SCAI: variants seen among roughly 807,000 people sequenced by gnomAD.
SCAI encodes suppressor of cancer cell invasion.
In SCAI, 24 loss-of-function variants were observed where a neutral mutation model predicts 92.2. That is an observed-to-expected ratio of 0.26 (90% CI 0.19 to 0.37). The LOEUF (loss-of-function observed/expected upper bound fraction) is 0.37. Ranked by LOEUF, SCAI falls within the 10% of genes least tolerant of loss-of-function variation. The probability of loss-of-function intolerance (pLI) is 1.00; values close to 1 mark genes in which losing one functional copy is unlikely to be tolerated. For synonymous variants in SCAI, 261 were observed against 258.6 expected (o/e 1.01, Z -0.09); for missense variants, 450 against 736.2 (o/e 0.61, Z 4.50).
intron 17 of SCAI, 71 bp downstream of exon 17, chr9:124,971,299 G>T: frequency 1.3e-6 from 1 of 786,090 alleles, no homozygotes; most frequent in Non-Finnish European, 2.1e-6. Context: ...TTTTATACAG[G>T]TAAAATATAA....
intron 2 of SCAI, among the ~76,000 whole-genome samples, chr9:125,093,645 A>C (rs1433653422): frequency 6.7e-6 from 1 of 148,244 alleles, no homozygotes; most frequent in Non-Finnish European, 1.5e-5. Context: ...GGCTCACTGC[A>C]GCCTTCGCCT....
At chr9:124,957,557 A>G (rs1355535690) in intron 17 of SCAI, among the ~76,000 whole-genome samples, 1 of 146,336 alleles carries the variant, frequency 6.8e-6, no homozygotes, top group Non-Finnish European at 1.5e-5. Flanking sequence ...TTTTTAGTAA[A>G]GATGAGGTTT....
intron 2 of SCAI, among the ~76,000 whole-genome samples, chr9:125,061,566 C>T (rs184914684): frequency 1.3e-4 from 20 of 152,224 alleles, no homozygotes; most frequent in African/African-American, 4.8e-4. Context: ...AGAGATCAGC[C>T]TGGGCAACAC....
intron 14 of SCAI, among the ~76,000 whole-genome samples, chr9:124,986,669 AG>A (rs1357375213): frequency 2.0e-5 from 3 of 152,242 alleles, no homozygotes; most frequent in Non-Finnish European, 4.4e-5. Context: ...CTACCACCTC[AG>A]GAAGTCCAAC....
At chr9:125,046,683 C>G (rs1432524498) in intron 3 of SCAI, among the ~76,000 whole-genome samples, 2 of 145,784 alleles carry the variant, frequency 1.4e-5, no homozygotes, top group Admixed American at 1.4e-4. Context: ...CACACCTGTT[C>G]CCCAAAAAAC....
At chr9:124,972,616 T>C (rs1831681770) in intron 15 of SCAI, among the ~76,000 whole-genome samples, 1 of 152,216 alleles carries the variant, frequency 6.6e-6, no homozygotes, top group Admixed American at 6.5e-5. Flanking sequence ...GGCTACTCTA[T>C]TCAACCTAAT....
intron 3 of SCAI, among the ~76,000 whole-genome samples, chr9:125,043,858 A>G (rs567121970): frequency 1.5e-3 from 221 of 152,208 alleles, no homozygotes; most frequent in African/African-American, 5.0e-3. Flanking sequence ...GAATGGGTGG[A>G]GGCCAGGAAC....
At chr9:125,103,667 T>A (rs894398072) in intron 2 of SCAI, among the ~76,000 whole-genome samples, 15 of 152,170 alleles carry the variant, frequency 9.9e-5, no homozygotes, top group African/African-American at 3.6e-4. Context: ...GGGAACAGAT[T>A]TTACCTCAAA....
intron 2 of SCAI, among the ~76,000 whole-genome samples, chr9:125,137,497 C>A (rs1408023079): frequency 6.6e-6 from 1 of 152,230 alleles, no homozygotes; most frequent in Non-Finnish European, 1.5e-5. Context: ...ACCTCTGAAT[C>A]AAGCCAAACC....
intron 2 of SCAI, among the ~76,000 whole-genome samples, chr9:125,096,897 C>T (rs10760391): frequency 0.43 from 65,993 of 152,064 alleles, 14,716 homozygotes; most frequent in East Asian, 0.53. Context: ...TGGACCACAT[C>T]CTATGACAGT....
chr9:125,109,067 G>T (rs1401646645), intron 2 of SCAI, among the ~76,000 whole-genome samples: 1 of 152,026 alleles, frequency 6.6e-6, no homozygotes, highest in Non-Finnish European at 1.5e-5. Flanking sequence ...CCCCCAACCC[G>T]CTGCTCTCTG....
chr9:125,006,611 C>T (rs1052702111), intron 9 of SCAI, among the ~76,000 whole-genome samples: 3 of 152,096 alleles, frequency 2.0e-5, no homozygotes, highest in African/African-American at 7.2e-5. Flanking sequence ...CCTGCCTCAG[C>T]CTCCTGAGTA....
chr9:125,073,384 G>A (rs899288234), intron 2 of SCAI, among the ~76,000 whole-genome samples: 1 of 151,986 alleles, frequency 6.6e-6, no homozygotes, highest in African/African-American at 2.4e-5. Context: ...GATTACAGGC[G>A]TGAGCCACCG....
At chr9:125,000,092 G>A (rs1293580094) in intron 12 of SCAI, 102 bp from the exon 13 acceptor site, 4 of 539,290 alleles carry the variant, frequency 7.4e-6, no homozygotes, top group African/African-American at 3.9e-5. Flanking sequence ...TGATTCAAGC[G>A]AAGATAATTA....
chr9:125,121,361 G>A (rs766740348), intron 2 of SCAI, among the ~76,000 whole-genome samples: 40 of 150,648 alleles, frequency 2.7e-4, no homozygotes, highest in Admixed American at 9.4e-4. Flanking sequence ...ACAAAGAAAA[G>A]TAGTGACTAG....
intron 3 of SCAI, among the ~76,000 whole-genome samples, chr9:125,032,195 A>ATATATATATATATTTTT (rs1177865840): frequency 2.0e-5 from 2 of 99,476 alleles, no homozygotes; most frequent in African/African-American, 9.5e-5. Flanking sequence ...ATATATATAT[A>ATATATATATATATTTTT]TTTTTTTTTT....
chr9:125,078,097 C>T (rs1588202962), intron 2 of SCAI, among the ~76,000 whole-genome samples: 1 of 151,670 alleles, frequency 6.6e-6, no homozygotes, highest in East Asian at 1.9e-4. Flanking sequence ...ATAAAAGCAC[C>T]TTGTCAGATA....
At chr9:125,136,969 G>A (rs1447922225) in intron 2 of SCAI, among the ~76,000 whole-genome samples, 1 of 151,470 alleles carries the variant, frequency 6.6e-6, no homozygotes, top group Non-Finnish European at 1.5e-5. Flanking sequence ...ATCTTGGTCA[G>A]GCTGGTCTTG....
chr9:124,988,840 T>C (rs1832050554), intron 14 of SCAI, among the ~76,000 whole-genome samples: 2 of 152,128 alleles, frequency 1.3e-5, no homozygotes, highest in Admixed American at 6.5e-5. Context: ...GCACCATAGT[T>C]AAAAGTAAAT....
Sources: gnomAD v4.1 joint callset for allele counts (sites outside exome capture counted in the v4.1 genomes callset) on GRCh38, gnomAD v4.1.1 for gene constraint, MANE v1.5 for transcripts, NCBI Gene and HGNC (gene_info 2026-07-23, HGNC 2026-07-21) for gene names.